Variants in SRPX2 observed in about 807,000 individuals in gnomAD.
SRPX2 encodes sushi repeat containing protein X-linked 2.
SRPX2 carries 26 observed loss-of-function variants against 45.3 expected under a neutral mutation model. The ratio of observed to expected loss-of-function variants is 0.57; its 90% CI spans 0.42 to 0.80. The LOEUF is 0.80. Ranked by LOEUF, SRPX2 falls within the 30% of genes least tolerant of loss-of-function variation. The probability of loss-of-function intolerance (pLI) is 0.00; values close to 1 mark genes in which losing one functional copy is unlikely to be tolerated. For missense variants in SRPX2, 355 were observed against 399.8 expected (o/e 0.89, Z 0.95); for synonymous variants, 125 against 143.7 (o/e 0.87, Z 0.93).
In SRPX2 at chrX:100,672,645, T is replaced by C. The variant is rs996417118; in HGVS notation, c.*1658T>C. ...CTTAGACATTATGCCATCCTGACGC[T>C]ACTTCTTTTCCTACTTTCCATTTAA... On this transcript the variant is annotated 3_prime_UTR_variant, in exon 11 of 11. Transcript: ENST00000373004. The C allele has an allele frequency of 4.5e-5, 5 of 112,182 alleles. No homozygotes were observed. Among genetic ancestry groups the C allele is most frequent in the Non-Finnish European group, 9.4e-5 (5 of 53,308 alleles). The allele number at this position is 112,182 out of a possible 1,213,427, so 9.2% of individuals were successfully genotyped here. A position where few individuals can be genotyped will look rare whatever the true frequency, so the allele number is the denominator to read the frequency against.
Position 100,674,161 on chromosome X carries a change from A to C in SRPX2, c.*3174A>C, listed in dbSNP as rs1485852543. On this transcript the variant is annotated 3_prime_UTR_variant, in exon 11 of 11. Transcript: ENST00000373004. Reference sequence around the variant, plus strand: ...GTCTCCCCTCACCTCCTGTATGAACATCTCTCTCCTTCCTCCAGTATAGGA... The same window carrying C: ...GTCTCCCCTCACCTCCTGTATGAACCTCTCTCTCCTTCCTCCAGTATAGGA... 8.9e-6 allele frequency: 1 copy of C among 111,877 alleles called. No individual in the cohort carries two copies. The highest frequency in any genetic ancestry group is 1.9e-5 in the Non-Finnish European group (1 of 53,202). The allele number at this position is 111,877 out of a possible 1,213,427, so 9.2% of individuals were successfully genotyped here. A position where few individuals can be genotyped will look rare whatever the true frequency, so the allele number is the denominator to read the frequency against.
Position 100,655,864 on chromosome X carries a change from T to G in SRPX2, c.163+4999T>G, listed in dbSNP as rs866586370. Among the ~76,000 whole-genome samples the G allele has an allele frequency of 5.3e-3, 527 of 99,736 alleles. 2 individuals are homozygous for G. Among genetic ancestry groups the G allele is most frequent in the African/African-American group, 0.018 (482 of 27,437 alleles). 86.6% of individuals were successfully genotyped at this position (99,736 alleles called of 115,157 possible). A position where few individuals can be genotyped will look rare whatever the true frequency, so the allele number is the denominator to read the frequency against. On this transcript the variant is annotated intron_variant, in intron 3 of 10. Transcript: ENST00000373004. ...TAGGTGGGGTGGGGGAGTTTTTTTT[T>G]TTTTTTTTTTTTTTTTAAGACAAAG...
At chrX:100,647,011 G>A (rs901656352) in intron 2 of SRPX2, among the ~76,000 whole-genome samples, 13 of 112,013 alleles carry the variant, frequency 1.2e-4, no homozygotes, top group African/African-American at 4.2e-4. Flanking sequence ...TACTTCAGAA[G>A]GGATGGAGAT....
intron 3 of SRPX2, among the ~76,000 whole-genome samples, chrX:100,652,111 A>G (rs770444291): frequency 8.9e-6 from 1 of 112,386 alleles, no homozygotes; most frequent in South Asian, 3.7e-4. Context: ...TGATTATTCT[A>G]TGCAGAAATA....
chrX:100,666,883 G>A lies in SRPX2; in HGVS notation c.911G>A (p.Arg304Gln), dbSNP rs778904903. 61 of 1,209,630 alleles carry A rather than the reference G, an allele frequency of 5.0e-5. No homozygotes were observed. The Middle Eastern group carries it at 7.3e-4, about 15-fold the overall frequency. ...GGYDRQGTPS[R>Q]VCQSSRQWSG... Reference sequence around the variant, plus strand: ...TATGATCGCCAGGGGACACCCTCCCGGGTCTGTCAGTCCAGCCGCCAGTGG... The same window carrying A: ...TATGATCGCCAGGGGACACCCTCCCAGGTCTGTCAGTCCAGCCGCCAGTGG... The change falls in exon 8 of 11, where the codon CGG becomes CAG. Residue 304 changes from arginine (R) to glutamine (Q), a missense_variant. By Grantham distance (43) the Arg-to-Gln change is conservative. Transcript: ENST00000373004.
intron 3 of SRPX2, among the ~76,000 whole-genome samples, chrX:100,651,711 G>A (rs1337491163): frequency 1.9e-5 from 2 of 107,374 alleles, no homozygotes; most frequent in African/African-American, 6.9e-5. Flanking sequence ...GAACCTGGGA[G>A]GTGGAGGTTG....
At chrX:100,645,233 T>C (rs1602714626) in intron 1 of SRPX2, among the ~76,000 whole-genome samples, 1 of 112,462 alleles carries the variant, frequency 8.9e-6, no homozygotes, top group East Asian at 2.8e-4. Flanking sequence ...TGGCATTTCA[T>C]TGAAAGCCCG....
At position 100,673,507 on chromosome X, in the gene SRPX2, C is replaced by T. The variant is rs1310983990; in HGVS notation, c.*2520C>T. 1.8e-5 allele frequency: 2 copies of T among 110,255 alleles called. No individual in the cohort carries two copies. The highest frequency in any genetic ancestry group is 3.8e-5 in the Non-Finnish European group (2 of 52,869). The allele number at this position is 110,255 out of a possible 1,213,427, so 9.1% of individuals were successfully genotyped here. On this transcript the variant is annotated 3_prime_UTR_variant, in exon 11 of 11. Transcript: ENST00000373004. ...TATATTGTACCTCTCTCTCTGCCCACCTCTCCCCCACTTCTCCCCACTGCC... is the reference window on the plus strand; with the variant it reads ...TATATTGTACCTCTCTCTCTGCCCATCTCTCCCCCACTTCTCCCCACTGCC...
At chrX:100,665,060 G>A in intron 5 of SRPX2, 110 bp downstream of exon 5, 1 of 1,060,495 alleles carries the variant, frequency 9.4e-7, no homozygotes, top group East Asian at 3.2e-5. Flanking sequence ...AGCTATGAGG[G>A]TGGCACCCTG....
chrX:100,646,907 A>AT (rs746433295), intron 2 of SRPX2, among the ~76,000 whole-genome samples: 35 of 111,973 alleles, frequency 3.1e-4, no homozygotes, highest in East Asian at 2.8e-4. Context: ...ATAAAATGAG[A>AT]TTTTTTATAG....
chrX:100,654,072 A>G (rs1288868421), intron 3 of SRPX2, among the ~76,000 whole-genome samples: 1 of 112,317 alleles, frequency 8.9e-6, no homozygotes, highest in Non-Finnish European at 1.9e-5. Flanking sequence ...ATGGGAGACT[A>G]TAGTTTGGAG....
At chrX:100,662,835 T>C (rs2083192590) in intron 4 of SRPX2, among the ~76,000 whole-genome samples, 1 of 112,384 alleles carries the variant, frequency 8.9e-6, no homozygotes, top group Non-Finnish European at 1.9e-5. Context: ...AAGTCTAGAA[T>C]GTGAAAGTGC....
At chrX:100,654,118 C>T (rs918246048) in intron 3 of SRPX2, among the ~76,000 whole-genome samples, 18 of 112,182 alleles carry the variant, frequency 1.6e-4, no homozygotes, top group African/African-American at 5.8e-4. Flanking sequence ...GCAGAAGGTA[C>T]TTTCATGGAG....
chrX:100,661,417 CAG>C (rs1342106010), intron 3 of SRPX2, among the ~76,000 whole-genome samples: 1 of 112,479 alleles, frequency 8.9e-6, no homozygotes, highest in East Asian at 2.7e-4. Context: ...TGTCTTTTCA[CAG>C]AGCAATTTTT....
At position 100,666,945 on chromosome X, in the gene SRPX2, CG is replaced by C. The variant is rs1187219934; in HGVS notation, c.961+16del. The C allele has an allele frequency of 8.3e-7, 1 of 1,202,808 alleles. No homozygotes were observed. Among genetic ancestry groups the C allele is most frequent in the Non-Finnish European group, 1.1e-6 (1 of 891,649 alleles). On this transcript the variant is annotated intron_variant, in intron 8 of 10. Coordinates refer to ENST00000373004, the MANE Select transcript of SRPX2 (RefSeq NM_014467.3). ...ACCAATCTGTGCTCGTGAGTGAAAC[CG>C]GGGAATGGGGCAAGTGGATGTGGTG...
rs1449409948 is a variant in SRPX2 at position 100,671,780 on chromosome X, A to G, written c.*793A>G. On this transcript the variant is annotated 3_prime_UTR_variant, in exon 11 of 11. Coordinates refer to ENST00000373004, the MANE Select transcript of SRPX2 (RefSeq NM_014467.3). ...TGTTTGTCATTTCCCCTTCTAGGGC[A>G]CTGGGCAGCAAATGTTATCTGAACC... The G allele has an allele frequency of 1.8e-5, 2 of 112,710 alleles. No individual in the cohort carries two copies. The highest frequency in any genetic ancestry group is 3.7e-5 in the Non-Finnish European group (2 of 53,530). The allele number at this position is 112,710 out of a possible 1,213,427, so 9.3% of individuals were successfully genotyped here.
Position 100,666,850 on chromosome X carries a change from A to G in SRPX2, c.878A>G (p.Asp293Gly). ...NYGATCEYHC[D>G]GGYDRQGTPS... is the part of the protein sequence containing the mutation. Reference sequence around the variant, plus strand: ...GGTGCCACCTGTGAATACCACTGTGATGGCGGTTATGATCGCCAGGGGACA... The same window carrying G: ...GGTGCCACCTGTGAATACCACTGTGGTGGCGGTTATGATCGCCAGGGGACA... The change falls in exon 8 of 11, where the codon GAT becomes GGT. Residue 293 changes from aspartate to glycine, a missense_variant. By Grantham distance (94) the Asp-to-Gly change is moderately conservative. Coordinates refer to ENST00000373004, the MANE Select transcript of SRPX2 (RefSeq NM_014467.3). The G allele has an allele frequency of 3.3e-6, 4 of 1,211,698 alleles. No homozygotes were observed. Among genetic ancestry groups the G allele is most frequent in the Non-Finnish European group, 4.5e-6 (4 of 895,536 alleles).
chrX:100,651,196 G>C, intron 3 of SRPX2: 1 of 255,660 alleles, frequency 3.9e-6, no homozygotes. Context: ...GGGGGTGATG[G>C]GGGGGTATAA....
rs766047940 is a variant in SRPX2 at position 100,673,853 on chromosome X, G to A, written c.*2866G>A. 4.5e-5 allele frequency: 5 copies of A among 111,617 alleles called. No homozygotes were observed. In the East Asian group the frequency reaches 1.1e-3, roughly 25 times the overall value. The allele number at this position is 111,617 out of a possible 1,213,427, so 9.2% of individuals were successfully genotyped here. The stretch of plus-strand genomic sequence containing the variant: ...CTTGAGTTTCCTCATCTGTAAAAAG[G>A]GAAGATTTCCTACTTCATAAAGTGG... On this transcript the variant is annotated 3_prime_UTR_variant, in exon 11 of 11. Transcript: ENST00000373004.
Sources: allele counts gnomAD v4.1 joint callset (sites outside exome capture counted in the v4.1 genomes callset), GRCh38; gene constraint gnomAD v4.1.1; transcripts MANE v1.5; gene names NCBI Gene and HGNC (gene_info 2026-07-23, HGNC 2026-07-21).